XIRP2: variants seen among roughly 807,000 people sequenced by gnomAD.
XIRP2 encodes the protein xin actin-binding repeat-containing protein 2.
In XIRP2, 236 loss-of-function variants were observed where a neutral mutation model predicts 277.0. The ratio of observed to expected loss-of-function variants is 0.85; its 90% CI spans 0.77 to 0.95. XIRP2 has a LOEUF of 0.95. Ranked by LOEUF, XIRP2 falls within the 40% of genes least tolerant of loss-of-function variation. XIRP2 has a pLI of 0.00. For missense variants in XIRP2, 4,640 were observed against 4,157.5 expected, an observed-to-expected ratio of 1.12 and a Z score of -3.19; for synonymous variants, 1,490 against 1,416.5, an observed-to-expected ratio of 1.05 and a Z score of -1.17.
At chr2:167,178,618 G>C (rs1692920829) in intron 3 of XIRP2, among the ~76,000 whole-genome samples, 1 of 151,740 alleles carries the variant, frequency 6.6e-6, no homozygotes, top group South Asian at 2.1e-4. Context: ...GTGTAGGCTA[G>C]TGAGCCATAT....
intron 5 of XIRP2, among the ~76,000 whole-genome samples, chr2:167,224,024 A>C (rs986715368): frequency 1.3e-5 from 2 of 152,182 alleles, no homozygotes; most frequent in Non-Finnish European, 2.9e-5. Context: ...GAGGATGAAC[A>C]GTCCAATGTC....
intron 2 of XIRP2, among the ~76,000 whole-genome samples, chr2:166,951,741 C>G (rs897877972): frequency 1.3e-5 from 2 of 151,978 alleles, no homozygotes; most frequent in African/African-American, 4.8e-5. Context: ...CACAATCTAG[C>G]CCCAACCTAG....
chr2:167,214,427 A>T lies in XIRP2; in HGVS notation c.723+3532A>T, dbSNP rs1573964606. Among the ~76,000 whole-genome samples the T allele has an allele frequency of 1.4e-5, 2 of 143,046 alleles. 1 individual carries two copies. Among genetic ancestry groups the T allele is most frequent in the South Asian group, 5.2e-4 (2 of 3,868 alleles). The allele number at this position is 143,046 out of a possible 152,430, so 93.8% of individuals were successfully genotyped here. On this transcript the variant is annotated intron_variant, in intron 4 of 10. Coordinates refer to ENST00000409195, the MANE Select transcript of XIRP2 (RefSeq NM_152381.6). Reference sequence around the variant, plus strand: ...AGGAAACAGTGGTTGCAGTGAGCCGAGATCGTGCTGCTGCACTCCAGCCCG... The same window carrying T: ...AGGAAACAGTGGTTGCAGTGAGCCGTGATCGTGCTGCTGCACTCCAGCCCG...
chr2:167,163,016 T>C (rs1253489566), intron 3 of XIRP2, among the ~76,000 whole-genome samples: 1 of 152,188 alleles, frequency 6.6e-6, no homozygotes, highest in Non-Finnish European at 1.5e-5. Context: ...TTTTCTCCCC[T>C]TTCTTATTGA....
At position 167,248,432 on chromosome 2, in the gene XIRP2, C is replaced by A; in HGVS notation, c.7040C>A (p.Pro2347His). The change falls in exon 9 of 11, where the codon CCT becomes CAT. Residue 2347 changes from proline to histidine, a missense_variant. Coordinates refer to ENST00000409195, the MANE Select transcript of XIRP2 (RefSeq NM_152381.6). ...GAAAGTTTTCCAGGCCTCCCTCTTC[C>A]TCCACCTCCAGTAGATGAGAAATCT... ...EFESFPGLPLPPPPVDEKSER... is the reference protein window; with the variant it reads ...EFESFPGLPLHPPPVDEKSER... The A allele has an allele frequency of 6.2e-7, 1 of 1,613,834 alleles. No individual in the cohort carries two copies. The highest frequency in any genetic ancestry group is 8.5e-7 in the Non-Finnish European group (1 of 1,179,872).
rs577583231 is a variant in XIRP2 at position 167,257,318 on chromosome 2, T to C, written c.*40-539T>C. On this transcript the variant is annotated intron_variant, in intron 10 of 10. Transcript: ENST00000409195. Reference sequence around the variant, plus strand: ...TAAGTTTTGCTATCTTGTTGATGTATCTGTTTTTATGTGTAGATTCATAGA... The same window carrying C: ...TAAGTTTTGCTATCTTGTTGATGTACCTGTTTTTATGTGTAGATTCATAGA... 5.9e-5 allele frequency among the ~76,000 whole-genome samples: 9 copies of C among 152,062 alleles called. No individual in the cohort carries two copies. The East Asian group carries it at 1.8e-3, about 30-fold the overall frequency.
At chr2:167,019,721 A>T (rs928617932) in intron 2 of XIRP2, among the ~76,000 whole-genome samples, 3 of 152,090 alleles carry the variant, frequency 2.0e-5, no homozygotes, top group South Asian at 4.1e-4. Flanking sequence ...CTTAAAACAT[A>T]TTTTCATAAC....
At chr2:167,172,320 A>G (rs1692719414) in intron 3 of XIRP2, among the ~76,000 whole-genome samples, 1 of 152,206 alleles carries the variant, frequency 6.6e-6, no homozygotes. Flanking sequence ...AAATGGAGGC[A>G]GGGCAAGATC....
At chr2:167,075,218 G>GA (rs1237550859) in intron 2 of XIRP2, among the ~76,000 whole-genome samples, 1 of 151,914 alleles carries the variant, frequency 6.6e-6, no homozygotes, top group Non-Finnish European at 1.5e-5. Context: ...CAAAAAGAAG[G>GA]AAAAAGCAAA....
chr2:167,026,415 C>T (rs1238294994), intron 2 of XIRP2, among the ~76,000 whole-genome samples: 3 of 152,116 alleles, frequency 2.0e-5, no homozygotes, highest in African/African-American at 7.2e-5. Flanking sequence ...ATCCAATTTT[C>T]CAGTCTGTGT....
At chr2:167,190,984 T>G (rs1202020340) in intron 3 of XIRP2, among the ~76,000 whole-genome samples, 1 of 151,934 alleles carries the variant, frequency 6.6e-6, no homozygotes, top group African/African-American at 2.4e-5. Context: ...GGCAGATCTC[T>G]TGAGCCCAGG....
intron 2 of XIRP2, among the ~76,000 whole-genome samples, chr2:167,066,686 T>C (rs1228711224): frequency 6.6e-6 from 1 of 152,080 alleles, no homozygotes; most frequent in Non-Finnish European, 1.5e-5. Context: ...TAAACTCCCA[T>C]GTTTATTGCA....
rs758912780 is a variant in XIRP2, at chr2:167,251,552, C to T, written c.10160C>T (p.Thr3387Ile). 6.2e-7 allele frequency: 1 copy of T among 1,613,492 alleles called. No individual in the cohort carries two copies. Among genetic ancestry groups the T allele is most frequent in the South Asian group, 1.1e-5 (1 of 91,062 alleles). The change falls in exon 9 of 11, where the codon ACA (threonine) becomes ATA (isoleucine). Residue 3387 changes from threonine to isoleucine, a missense_variant. Physicochemically the swap from Thr to Ile is moderately conservative, Grantham distance 89. Coordinates refer to ENST00000409195, the MANE Select transcript of XIRP2 (RefSeq NM_152381.6). ...ACATCTTTAGGAAACACGAGTTTTACAGACTTTTCTTGCAAACATCCTAGA... is the reference window on the plus strand; with the variant it reads ...ACATCTTTAGGAAACACGAGTTTTATAGACTTTTCTTGCAAACATCCTAGA... ...GLTSLGNTSF[T>I]DFSCKHPREL...
chr2:166,890,636 T>G (rs577773566), intron 1 of XIRP2, among the ~76,000 whole-genome samples: 24 of 152,334 alleles, frequency 1.6e-4, no homozygotes, highest in African/African-American at 5.3e-4. Flanking sequence ...GAGCAAATTT[T>G]GCATGCTTCT....
chr2:166,983,140 C>T (rs954222111), intron 2 of XIRP2, among the ~76,000 whole-genome samples: 10 of 152,016 alleles, frequency 6.6e-5, no homozygotes, highest in African/African-American at 2.4e-4. Flanking sequence ...TGGCTATAAT[C>T]GAGGGTTGGT....
rs767426907 is a variant in XIRP2 at position 167,243,721 on chromosome 2, C to G, written c.2329C>G (p.Gln777Glu). Residue 777 changes from glutamine to glutamate, a missense_variant, in exon 9 of 11, where the codon CAG becomes GAG. Transcript: ENST00000409195. ...VRTARWMFET[Q>E]PLDTINKDIT... ...AACAGCACGGTGGATGTTTGAAACA[C>G]AGCCGTTGGACACAATTAACAAAGA... 5.6e-6 allele frequency: 9 copies of G among 1,613,986 alleles called. No individual in the cohort carries two copies. Among genetic ancestry groups the G allele is most frequent in the Non-Finnish European group, 6.8e-6 (8 of 1,179,910 alleles).
At chr2:167,100,396 C>A (rs1690455722) in intron 2 of XIRP2, among the ~76,000 whole-genome samples, 2 of 152,040 alleles carry the variant, frequency 1.3e-5, no homozygotes, top group Admixed American at 1.3e-4. Flanking sequence ...AATAATGTAA[C>A]TATTGCTTAG....
At chr2:167,026,743 G>A (rs561246965) in intron 2 of XIRP2, among the ~76,000 whole-genome samples, 27 of 151,992 alleles carry the variant, frequency 1.8e-4, no homozygotes, top group African/African-American at 6.0e-4. Flanking sequence ...TTAAATTCTG[G>A]GTTGAAAATT....
At chr2:167,087,755 C>A (rs1157234589) in intron 2 of XIRP2, among the ~76,000 whole-genome samples, 1 of 151,654 alleles carries the variant, frequency 6.6e-6, no homozygotes, top group African/African-American at 2.4e-5. Flanking sequence ...AACTCCCTGA[C>A]CCCTTGCGCT....
Sources: gnomAD v4.1 joint callset for allele counts (sites outside exome capture counted in the v4.1 genomes callset) on GRCh38, gnomAD v4.1.1 for gene constraint, MANE v1.5 for transcripts, NCBI Gene and HGNC (gene_info 2026-07-23, HGNC 2026-07-21) for gene names.